The following MTFR1 variants were observed in gnomAD, a reference collection of about 807,000 sequenced individuals.
MTFR1 encodes chondrocyte protein with a poly-proline region.
MTFR1 carries 28 observed loss-of-function variants against 38.8 expected under a neutral mutation model. That is an observed-to-expected ratio of 0.72 (90% CI 0.53 to 0.99). The LOEUF is 0.99. MTFR1 is among the 50% of genes least tolerant of loss of function. The pLI, the probability that MTFR1 is intolerant of heterozygous loss-of-function variation, is 0.00. For missense variants in MTFR1, 358 were observed against 395.5 expected, an observed-to-expected ratio of 0.91 and a Z score of 0.81; for synonymous variants, 145 against 137.0, an observed-to-expected ratio of 1.06 and a Z score of -0.41.
rs185602483 is a variant in MTFR1 at position 65,710,445 on chromosome 8, C to T, written c.*1401C>T. ...CAAAATTCAGAAAATTCACCTGAAA[C>T]GTATTTTGACCTAAAAGAAACATAT... On this transcript the variant is annotated 3_prime_UTR_variant, in exon 8 of 8. Coordinates refer to ENST00000262146, the MANE Select transcript of MTFR1 (RefSeq NM_014637.4). 29 of 152,596 alleles carry T rather than the reference C, an allele frequency of 1.9e-4. No individual in the cohort carries two copies. Among genetic ancestry groups the T allele is most frequent in the Admixed American group, 1.2e-3 (19 of 15,282 alleles). 9.5% of individuals were successfully genotyped at this position (152,596 alleles called of 1,614,324 possible). A position where few individuals can be genotyped will look rare whatever the true frequency, so the allele number is the denominator to read the frequency against.
chr8:65,687,470 C>T (rs1243840864), intron 3 of MTFR1, among the ~76,000 whole-genome samples: 4 of 151,658 alleles, frequency 2.6e-5, no homozygotes, highest in African/African-American at 9.7e-5. Flanking sequence ...CTCAGCCTTC[C>T]AAGTAGCTGG....
chr8:65,742,769 A>C (rs528949979), intron 3 of MTFR1, among the ~76,000 whole-genome samples: 3 of 152,222 alleles, frequency 2.0e-5, no homozygotes, highest in Non-Finnish European at 4.4e-5. Context: ...GCTGTAGTTA[A>C]CTGAATGTAT....
At chr8:65,740,354 T>G (rs934821676) in intron 3 of MTFR1, among the ~76,000 whole-genome samples, 2 of 152,112 alleles carry the variant, frequency 1.3e-5, no homozygotes, top group African/African-American at 4.8e-5. Context: ...CACCCCCTCA[T>G]TCTCCACAGC....
downstream of MTFR1, chr8:65,714,702 A>G (rs1483937140): frequency 6.6e-6 from 1 of 152,202 alleles, no homozygotes; most frequent in East Asian, 1.9e-4. Flanking sequence ...CAACATTTAT[A>G]CATTAAAATA....
chr8:65,765,225 C>G (rs1808706978), intron 3 of MTFR1, among the ~76,000 whole-genome samples: 1 of 152,096 alleles, frequency 6.6e-6, no homozygotes, highest in African/African-American at 2.4e-5. Context: ...CGCGGTGGCT[C>G]ACGCCTGTAA....
chr8:65,730,171 C>CTTCTTTTTTTTTTTTTTTTTTTT (rs1295965698), intron 3 of MTFR1, among the ~76,000 whole-genome samples: 8 of 86,448 alleles, frequency 9.3e-5, no homozygotes, highest in African/African-American at 2.9e-4. Flanking sequence ...TTGCGCACTT[C>CTTCTTTTTTTTTTTTTTTTTTTT]TTTTTTTTTT....
chr8:65,711,888 A>G (rs1805956905), downstream of MTFR1, among the ~76,000 whole-genome samples: 1 of 152,202 alleles, frequency 6.6e-6, no homozygotes. Flanking sequence ...CGATAAGGGC[A>G]GAGTAGAACA....
chr8:65,711,070 C>T (rs1009069564), downstream of MTFR1, among the ~76,000 whole-genome samples: 5 of 152,012 alleles, frequency 3.3e-5, no homozygotes, highest in Non-Finnish European at 7.4e-5. Flanking sequence ...TGGAGCTTTA[C>T]ATGATCCCCT....
chr8:65,709,146 T>A lies in MTFR1; in HGVS notation c.*102T>A. ...CTGTTTAGTAAATACCTCTTTAGTATTCAGTGGTCTTCTTTTCAGGCTAAT... is the reference window on the plus strand; with the variant it reads ...CTGTTTAGTAAATACCTCTTTAGTAATCAGTGGTCTTCTTTTCAGGCTAAT... On this transcript the variant is annotated 3_prime_UTR_variant, in exon 8 of 8. Transcript: ENST00000262146. 1 of 1,003,026 alleles carries A rather than the reference T, an allele frequency of 1.0e-6. No individual in the cohort carries two copies. The highest frequency in any genetic ancestry group is 1.6e-6 in the Non-Finnish European group (1 of 642,890). The allele number at this position is 1,003,026 out of a possible 1,614,324, so 62.1% of individuals were successfully genotyped here.
chr8:65,760,870 C>A (rs1169983675), intron 3 of MTFR1, among the ~76,000 whole-genome samples: 1 of 151,986 alleles, frequency 6.6e-6, no homozygotes, highest in Non-Finnish European at 1.5e-5. Flanking sequence ...CAAATAGAGG[C>A]CACTACAGAG....
downstream of MTFR1, among the ~76,000 whole-genome samples, chr8:65,774,183 T>C (rs930474870): frequency 3.8e-4 from 58 of 152,350 alleles, no homozygotes; most frequent in African/African-American, 1.3e-3. Context: ...AGAAAAACTA[T>C]GTATTGAATC....
At chr8:65,677,681 G>C (rs896046579) in intron 2 of MTFR1, among the ~76,000 whole-genome samples, 2 of 151,272 alleles carry the variant, frequency 1.3e-5, no homozygotes, top group Admixed American at 6.6e-5. Context: ...CGCCCAGCCA[G>C]CTATTTCTTA....
chr8:65,694,393 T>A (rs1805374707), intron 4 of MTFR1, among the ~76,000 whole-genome samples: 1 of 152,044 alleles, frequency 6.6e-6, no homozygotes, highest in Non-Finnish European at 1.5e-5. Context: ...ACTTTTTTTG[T>A]AGAGATGAGT....
At chr8:65,756,693 C>T (rs1808255057) in intron 3 of MTFR1, among the ~76,000 whole-genome samples, 1 of 152,118 alleles carries the variant, frequency 6.6e-6, no homozygotes, top group South Asian at 2.1e-4. Context: ...GTTCAGTAAA[C>T]ATTTAAGATA....
At chr8:65,707,596 A>C (rs981168930) in intron 6 of MTFR1, among the ~76,000 whole-genome samples, 15 of 152,180 alleles carry the variant, frequency 9.9e-5, no homozygotes, top group African/African-American at 3.6e-4. Context: ...AGGGAACTCT[A>C]TTTGCCCTGA....
At chr8:65,777,073 A>C in the MTFR1 span, among the ~76,000 whole-genome samples, 3 of 147,446 alleles carry the variant, frequency 2.0e-5, no homozygotes, top group Non-Finnish European at 4.4e-5. Context: ...AATTTTATCA[A>C]ATGCTTTTTT....
chr8:65,759,671 T>C (rs193192946), intron 3 of MTFR1, among the ~76,000 whole-genome samples: 64 of 152,336 alleles, frequency 4.2e-4, no homozygotes, highest in Non-Finnish European at 7.8e-4. Context: ...TGGAGGTTCT[T>C]ACTCTGTCAT....
chr8:65,674,332 G>A (rs1215407121), intron 2 of MTFR1, among the ~76,000 whole-genome samples: 2 of 150,162 alleles, frequency 1.3e-5, no homozygotes, highest in Non-Finnish European at 1.5e-5. Flanking sequence ...AGAAAAAAAG[G>A]CTGGCACGGT....
intron 3 of MTFR1, among the ~76,000 whole-genome samples, chr8:65,739,047 C>T (rs1042857827): frequency 1.3e-5 from 2 of 152,238 alleles, no homozygotes; most frequent in African/African-American, 4.8e-5. Flanking sequence ...ATTCTGAGCC[C>T]AGGGCTCCAG....
Sources: gnomAD v4.1 joint callset for allele counts (sites outside exome capture counted in the v4.1 genomes callset) on GRCh38, gnomAD v4.1.1 for gene constraint, MANE v1.5 for transcripts, NCBI Gene and HGNC (gene_info 2026-07-23, HGNC 2026-07-21) for gene names.